SIN3A: variants seen among roughly 807,000 people sequenced by gnomAD.
SIN3A encodes the protein SIN3 transcription regulator family member A, also known as paired amphipathic helix protein Sin3a.
SIN3A carries 14 observed loss-of-function variants against 146.1 expected under a neutral mutation model. That is an observed-to-expected ratio of 0.10 (90% confidence interval 0.06 to 0.15). The LOEUF (loss-of-function observed/expected upper bound fraction) is 0.15, where lower values mean the gene tolerates loss of function less well. SIN3A is among the 10% of genes least tolerant of loss of function. The pLI, the probability that SIN3A is intolerant of heterozygous loss-of-function variation, is 1.00. For synonymous variants in SIN3A, 572 were observed against 572.0 expected, an observed-to-expected ratio of 1.00 and a Z score of 0.00; for missense variants, 1,028 against 1,576.0, an observed-to-expected ratio of 0.65 and a Z score of 5.89.
intron 17 of SIN3A, among the ~76,000 whole-genome samples, chr15:75,382,190 G>C (rs528905900): frequency 5.9e-5 from 9 of 152,186 alleles, no homozygotes; most frequent in Non-Finnish European, 1.2e-4. Context: ...CTGAAATTCA[G>C]AAGAGTTCTG....
Position 75,402,171 on chromosome 15 carries a change from C to T in SIN3A, c.1408-201G>A, listed in dbSNP as rs572334585. On this transcript the variant is annotated intron_variant, in intron 9 of 20. Coordinates refer to ENST00000394947, the MANE Select transcript of SIN3A (RefSeq NM_001145358.2). Reference sequence around the variant, plus strand: ...CTAATTTCTAAATTTTTTGCAGAGACGAGGTCATATATTGCCCAGCTGCCC... The same window carrying T: ...CTAATTTCTAAATTTTTTGCAGAGATGAGGTCATATATTGCCCAGCTGCCC... Among the ~76,000 whole-genome samples, 385 of 151,940 alleles carry T rather than the reference C, an allele frequency of 2.5e-3. 3 individuals carry two copies. Among genetic ancestry groups the T allele is most frequent in the Admixed American group, 4.1e-3 (62 of 15,252 alleles).
intron 12 of SIN3A, among the ~76,000 whole-genome samples, chr15:75,397,271 G>A (rs1051836953): frequency 2.6e-5 from 4 of 152,192 alleles, no homozygotes; most frequent in African/African-American, 4.8e-5. Context: ...TGGGAATGTG[G>A]TAGTCATTTG....
chr15:75,436,987 C>T lies in SIN3A; in HGVS notation c.-33-6579G>A, dbSNP rs561403117. Among the ~76,000 whole-genome samples, 3 of 152,262 alleles carry T rather than the reference C, an allele frequency of 2.0e-5. No homozygotes were observed. The South Asian group carries it at 6.2e-4, about 32-fold the overall frequency. ...CTTGCAGGCAATAGTTATTTACAAT[C>T]TTTGCCAAGTCATTCATCCCACAAA... is the stretch of plus-strand genomic sequence containing the variant. On this transcript the variant is annotated intron_variant, in intron 1 of 20. Transcript: ENST00000394947.
intron 8 of SIN3A, among the ~76,000 whole-genome samples, chr15:75,408,897 A>G (rs1441339051): frequency 2.0e-5 from 3 of 152,238 alleles, no homozygotes; most frequent in African/African-American, 7.2e-5. Flanking sequence ...AACACAAGGC[A>G]GATTTAAAGC....
intron 1 of SIN3A, among the ~76,000 whole-genome samples, chr15:75,432,763 C>T (rs1291111484): frequency 6.6e-6 from 1 of 151,046 alleles, no homozygotes; most frequent in South Asian, 2.1e-4. Flanking sequence ...ACTTCATAGG[C>T]TGGTCACAGT....
At chr15:75,454,883 G>C (rs2074466328), upstream of SIN3A, 1 of 152,408 alleles carries the variant, frequency 6.6e-6, no homozygotes, top group South Asian at 2.1e-4. Context: ...GAGTTTCTGG[G>C]GGTTTTCCGC....
intron 2 of SIN3A, 27 bp from the exon 3 acceptor site, chr15:75,422,850 A>G (rs1437127965): frequency 6.3e-7 from 1 of 1,599,374 alleles, no homozygotes; most frequent in Non-Finnish European, 8.6e-7. Context: ...ACAGACAGGA[A>G]ACTTCAAGGC....
chr15:75,413,596 T>C (rs924088605), intron 4 of SIN3A, among the ~76,000 whole-genome samples: 1 of 150,078 alleles, frequency 6.7e-6, no homozygotes, highest in Non-Finnish European at 1.5e-5. Flanking sequence ...CAGGCTGGAG[T>C]GCAGTAGCAC....
Position 75,409,869 on chromosome 15 carries a change from G to C in SIN3A, c.1284C>G (p.Arg428=), listed in dbSNP as rs1013080365. 2 of 1,613,144 alleles carry C rather than the reference G, an allele frequency of 1.2e-6. No individual in the cohort carries two copies. The highest frequency in any genetic ancestry group is 2.7e-5 in the African/African-American group (2 of 74,916). ...QRPSQNGCQI[R]RHPTGTTPPV... ...GAGGGGTGGTTCCTGTAGGATGTCTGCGGATCTGGCAGCCATTCTGGCTGG... is the reference window on the plus strand; with the variant it reads ...GAGGGGTGGTTCCTGTAGGATGTCTCCGGATCTGGCAGCCATTCTGGCTGG... Residue 428 remains arginine, a synonymous_variant, in exon 8 of 21, where the codon CGC becomes CGG. Coordinates refer to ENST00000394947, the MANE Select transcript of SIN3A (RefSeq NM_001145358.2).
At chr15:75,408,180 T>C (rs1308258049) in intron 8 of SIN3A, among the ~76,000 whole-genome samples, 2 of 152,196 alleles carry the variant, frequency 1.3e-5, no homozygotes, top group African/African-American at 2.4e-5. Context: ...CACTATATTC[T>C]TGCCACCTGT....
chr15:75,401,709 T>C (rs1447306524), intron 10 of SIN3A, 143 bp downstream of exon 10: 2 of 596,850 alleles, frequency 3.4e-6, no homozygotes, highest in Non-Finnish European at 5.9e-6. Context: ...ACTAGAAGAC[T>C]TCTCAGGACT....
At chr15:75,433,344 T>C (rs545766568) in intron 1 of SIN3A, among the ~76,000 whole-genome samples, 1 of 152,160 alleles carries the variant, frequency 6.6e-6, no homozygotes, top group Admixed American at 6.6e-5. Flanking sequence ...AAAAGAAGAT[T>C]GTAGTGAGCT....
intron 1 of SIN3A, among the ~76,000 whole-genome samples, chr15:75,447,148 A>G (rs756110736): frequency 3.2e-4 from 48 of 152,246 alleles, no homozygotes; most frequent in Non-Finnish European, 5.4e-4. Flanking sequence ...TAAGCAGAGA[A>G]GTGACACGGT....
At chr15:75,380,514 GCAGA>G in intron 19 of SIN3A, 111 bp downstream of exon 19, 1 of 765,804 alleles carries the variant, frequency 1.3e-6, no homozygotes, top group Non-Finnish European at 2.2e-6. Context: ...AGCATCCCCA[GCAGA>G]TAGAACAAAT....
chr15:75,394,955 G>A (rs1377362803), intron 13 of SIN3A, 92 bp from the exon 14 acceptor site: 1 of 1,223,712 alleles, frequency 8.2e-7, no homozygotes, highest in Non-Finnish European at 1.1e-6. Context: ...TTAAAGAAAG[G>A]TGCAAAGCTA....
intron 8 of SIN3A, among the ~76,000 whole-genome samples, chr15:75,409,106 C>A (rs902296930): frequency 4.6e-5 from 7 of 151,690 alleles, no homozygotes; most frequent in Admixed American, 3.9e-4. Context: ...CAGGAGGCTG[C>A]GGCAGGATAA....
chr15:75,440,760 A>T (rs1285860769), intron 1 of SIN3A, among the ~76,000 whole-genome samples: 1 of 152,004 alleles, frequency 6.6e-6, no homozygotes, highest in Non-Finnish European at 1.5e-5. Context: ...AGGCAGGCGG[A>T]TTACGAGGTC....
chr15:75,391,688 T>C (rs1194296098), intron 15 of SIN3A, among the ~76,000 whole-genome samples: 1 of 152,160 alleles, frequency 6.6e-6, no homozygotes, highest in East Asian at 1.9e-4. Flanking sequence ...CCTCACTTAC[T>C]TTCCTTTTCC....
intron 20 of SIN3A, among the ~76,000 whole-genome samples, chr15:75,375,279 G>A (rs1321230141): frequency 6.6e-6 from 1 of 152,064 alleles, no homozygotes; most frequent in Non-Finnish European, 1.5e-5. Context: ...ACCTCATCTG[G>A]AGGCAGACAC....
Sources: gnomAD v4.1 joint callset for allele counts (sites outside exome capture counted in the v4.1 genomes callset) on GRCh38, gnomAD v4.1.1 for gene constraint, MANE v1.5 for transcripts, NCBI Gene and HGNC (gene_info 2026-07-23, HGNC 2026-07-21) for gene names.